The following GLIPR2 variants were observed in gnomAD, a reference collection of about 807,000 sequenced individuals.
GLIPR2 encodes the protein GLI pathogenesis related 2, also known as Golgi-associated plant pathogenesis-related protein 1.
GLIPR2 carries 21 observed loss-of-function variants against 20.4 expected under a neutral mutation model. The observed-to-expected ratio is 1.03, with a 90% CI of 0.73 to 1.48. The LOEUF is 1.48. Among genes scored for constraint, GLIPR2 ranks in the 40% most tolerant of loss-of-function variants. The pLI, the probability that GLIPR2 is intolerant of heterozygous loss-of-function variation, is 0.00. For missense variants in GLIPR2, 205 were observed against 200.1 expected (o/e 1.02, Z -0.15); for synonymous variants, 91 against 80.5 (o/e 1.13, Z -0.70).
chr9:36,139,557 T>G (rs1824980755), intron 1 of GLIPR2, among the ~76,000 whole-genome samples: 1 of 152,202 alleles, frequency 6.6e-6, no homozygotes. Flanking sequence ...GGCTGCTGTC[T>G]GTGTCTATAG....
In GLIPR2 at chr9:36,163,005, C is replaced by T. The variant is rs11588; in HGVS notation, c.*483C>T. 0.32 allele frequency: 137,060 copies of T among 423,036 alleles called. 23,543 individuals carry two copies. The highest frequency in any genetic ancestry group is 0.46 in the South Asian group (26,792 of 58,738). The allele number at this position is 423,036 out of a possible 1,614,324, so 26.2% of individuals were successfully genotyped here. On this transcript the variant is annotated 3_prime_UTR_variant, in exon 5 of 5. Transcript: ENST00000377960. ...AAATACAGCTTTAAGCACATAAATA[C>T]AAAGCAGCTTCCATCAGGAACATGG...
chr9:36,146,644 A>G (rs1390981472), intron 1 of GLIPR2, among the ~76,000 whole-genome samples: 1 of 152,246 alleles, frequency 6.6e-6, no homozygotes, highest in Non-Finnish European at 1.5e-5. Flanking sequence ...CTCATTCCAA[A>G]AGGGAGAAAT....
intron 1 of GLIPR2, among the ~76,000 whole-genome samples, chr9:36,137,970 T>C (rs1824902953): frequency 1.3e-5 from 2 of 152,240 alleles, no homozygotes; most frequent in South Asian, 4.1e-4. Context: ...TCACTGGCTG[T>C]GTGATACTGA....
chr9:36,149,847 G>A (rs939223178), intron 3 of GLIPR2, among the ~76,000 whole-genome samples: 2 of 152,172 alleles, frequency 1.3e-5, no homozygotes, highest in African/African-American at 4.8e-5. Context: ...GACCAACATG[G>A]AGAAACCCCA....
chr9:36,148,449 G>T, intron 2 of GLIPR2, 98 bp from the exon 3 acceptor site: 2 of 789,808 alleles, frequency 2.5e-6, no homozygotes, highest in African/African-American at 1.7e-5. Context: ...CTGTGAGCCC[G>T]GGGCAGGGAA....
intron 4 of GLIPR2, among the ~76,000 whole-genome samples, chr9:36,160,493 A>C (rs1017406948): frequency 7.2e-5 from 11 of 151,992 alleles, no homozygotes; most frequent in African/African-American, 2.4e-5. Context: ...ATCCTGTCAG[A>C]AAGAAGGGAA....
intron 4 of GLIPR2, among the ~76,000 whole-genome samples, chr9:36,151,354 C>A (rs1402901536): frequency 6.6e-6 from 1 of 152,166 alleles, no homozygotes; most frequent in Non-Finnish European, 1.5e-5. Flanking sequence ...ATTGTCCCTG[C>A]CCCTGGTGCT....
chr9:36,160,677 T>A (rs1009533814), intron 4 of GLIPR2, among the ~76,000 whole-genome samples: 1 of 152,128 alleles, frequency 6.6e-6, no homozygotes, highest in Non-Finnish European at 1.5e-5. Flanking sequence ...TCATTCTAAG[T>A]GCATTGGGGA....
chr9:36,161,870 G>A (rs886699087), intron 4 of GLIPR2, among the ~76,000 whole-genome samples: 3 of 152,160 alleles, frequency 2.0e-5, no homozygotes, highest in Non-Finnish European at 4.4e-5. Flanking sequence ...CTGTGTGGCT[G>A]ATAGAAAGGA....
chr9:36,141,045 C>T (rs2132711659), intron 1 of GLIPR2, among the ~76,000 whole-genome samples: 1 of 152,330 alleles, frequency 6.6e-6, no homozygotes, highest in South Asian at 2.1e-4. Flanking sequence ...AAAGCCAAAG[C>T]CCAAAAGGTT....
intron 1 of GLIPR2, among the ~76,000 whole-genome samples, chr9:36,141,359 C>T (rs572931992): frequency 0.016 from 2,441 of 148,086 alleles, 62 homozygotes; most frequent in African/African-American, 0.057. Flanking sequence ...TTTTTTTTTT[C>T]CTTAAACTGC....
chr9:36,142,137 T>A (rs1825117836), intron 1 of GLIPR2, among the ~76,000 whole-genome samples: 1 of 152,192 alleles, frequency 6.6e-6, no homozygotes, highest in South Asian at 2.1e-4. Flanking sequence ...TTGAGAAGCC[T>A]TCGTTCTTCT....
rs531256608 is a variant in GLIPR2 at position 36,138,458 on chromosome 9, C to T, written c.13+1667C>T. ...CAGGCTGGTCTTGAACTCCTGACCT[C>T]ATGATCTGCCTGCCTCAGCCTCCCA... On this transcript the variant is annotated intron_variant, in intron 1 of 4. Transcript: ENST00000377960. Among the ~76,000 whole-genome samples, 68 of 152,248 alleles carry T rather than the reference C, an allele frequency of 4.5e-4. No individual in the cohort carries two copies. In the South Asian group the frequency reaches 0.014, roughly 31 times the overall value.
At chr9:36,143,961 A>G (rs1296353092) in intron 1 of GLIPR2, among the ~76,000 whole-genome samples, 1 of 152,122 alleles carries the variant, frequency 6.6e-6, no homozygotes, top group Non-Finnish European at 1.5e-5. Flanking sequence ...CCAGAGGCTG[A>G]TCCTCTCCAG....
chr9:36,142,861 G>A (rs6476533), intron 1 of GLIPR2, among the ~76,000 whole-genome samples: 6,151 of 152,038 alleles, frequency 0.04, 411 homozygotes, highest in African/African-American at 0.14. Flanking sequence ...CTGGTGGGAG[G>A]GGACTCCTGG....
intron 1 of GLIPR2, among the ~76,000 whole-genome samples, chr9:36,142,747 G>T (rs927236833): frequency 6.6e-6 from 1 of 152,046 alleles, no homozygotes; most frequent in African/African-American, 2.4e-5. Context: ...GGTTTTTCTC[G>T]GTGGGGGTAG....
rs1054611465 is a variant in GLIPR2, at chr9:36,163,070, C to T, written c.*548C>T. 5 of 338,038 alleles carry T rather than the reference C, an allele frequency of 1.5e-5. No individual in the cohort carries two copies. The Admixed American group carries it at 2.2e-4, about 15-fold the overall frequency. 20.9% of individuals were successfully genotyped at this position (338,038 alleles called of 1,614,324 possible). A position where few individuals can be genotyped will look rare whatever the true frequency, so the allele number is the denominator to read the frequency against. On this transcript the variant is annotated 3_prime_UTR_variant, in exon 5 of 5. Coordinates refer to ENST00000377960, the MANE Select transcript of GLIPR2 (RefSeq NM_022343.4). ...CCATTTTACAGAATTACTGAGATTTCTCAGTTGTAAAACATGATGTCATCC... is the reference window on the plus strand; with the variant it reads ...CCATTTTACAGAATTACTGAGATTTTTCAGTTGTAAAACATGATGTCATCC...
At chr9:36,148,065 T>C (rs747008636) in intron 2 of GLIPR2, among the ~76,000 whole-genome samples, 171 bp downstream of exon 2, 4 of 152,158 alleles carry the variant, frequency 2.6e-5, no homozygotes, top group Admixed American at 6.5e-5. Flanking sequence ...CTGGCCAATA[T>C]GGTGAAACCT....
At position 36,141,742 on chromosome 9, in the gene GLIPR2, C is replaced by A. The variant is rs140474889; in HGVS notation, c.13+4951C>A. 3,839 of 441,032 alleles carry A rather than the reference C, an allele frequency of 8.7e-3. 28 individuals are homozygous for A. Among genetic ancestry groups the A allele is most frequent in the Middle Eastern group, 0.028 (54 of 1,908 alleles). 27.3% of individuals were successfully genotyped at this position (441,032 alleles called of 1,614,324 possible). A position where few individuals can be genotyped will look rare whatever the true frequency, so the allele number is the denominator to read the frequency against. ...GATCATGGCTCACTGCAGCCTCGAT[C>A]TCCTGGGCTCAAGCGATCCTCCCAT... On this transcript the variant is annotated intron_variant, in intron 1 of 4. Transcript: ENST00000377960.
Sources: allele counts gnomAD v4.1 joint callset (sites outside exome capture counted in the v4.1 genomes callset), GRCh38; gene constraint gnomAD v4.1.1; transcripts MANE v1.5; gene names NCBI Gene and HGNC (gene_info 2026-07-23, HGNC 2026-07-21).